The following UGT1A3 variants were observed in gnomAD, a reference collection of about 807,000 sequenced individuals.
UGT1A3 encodes the protein UDP-glucuronosyltransferase 1A3.
UGT1A3 carries 31 observed loss-of-function variants against 41.0 expected under a neutral mutation model. That is an observed-to-expected ratio of 0.76 (90% CI 0.57 to 1.02). The LOEUF is 1.02. Ranked by LOEUF, UGT1A3 falls within the 50% of genes least tolerant of loss-of-function variation. The pLI is 0.00. For synonymous variants in UGT1A3, 262 were observed against 257.6 expected (o/e 1.02, Z -0.17); for missense variants, 737 against 671.0 (o/e 1.10, Z -1.09).
chr2:233,753,656 A>G (rs554176629), intron 1 of UGT1A3: 2 of 152,198 alleles, frequency 1.3e-5, no homozygotes, highest in Non-Finnish European at 2.9e-5. Flanking sequence ...TACTTTCTCA[A>G]TTGTGTGTAT....
At chr2:233,733,349 A>G (rs2078383878) in intron 1 of UGT1A3, among the ~76,000 whole-genome samples, 1 of 152,106 alleles carries the variant, frequency 6.6e-6, no homozygotes, top group South Asian at 2.1e-4. Flanking sequence ...CAGTATGTTG[A>G]GTAGGAGTGG....
At position 233,732,704 on chromosome 2, in the gene UGT1A3, T is replaced by A. The variant is rs2078302376; in HGVS notation, c.867+2711T>A. 3.3e-5 allele frequency among the ~76,000 whole-genome samples: 5 copies of A among 152,126 alleles called. No homozygotes were observed. In the South Asian group the frequency reaches 1.0e-3, roughly 31 times the overall value. On this transcript the variant is annotated intron_variant, in intron 1 of 4. Coordinates refer to ENST00000482026, the MANE Select transcript of UGT1A3 (RefSeq NM_019093.4). ...ACCAGCACCCATGCTGTTTTGTTAC[T>A]GTAGCCTTGTAGTACAGTTTGAAGT...
chr2:233,738,524 A>G (rs553988769), intron 1 of UGT1A3, among the ~76,000 whole-genome samples: 1 of 152,322 alleles, frequency 6.6e-6, no homozygotes, highest in South Asian at 2.1e-4. Context: ...TGTTGTGGAC[A>G]ATGAAGTCCA....
intron 1 of UGT1A3, among the ~76,000 whole-genome samples, chr2:233,736,892 T>C (rs905438192): frequency 2.6e-5 from 4 of 152,220 alleles, no homozygotes; most frequent in Non-Finnish European, 5.9e-5. Flanking sequence ...TATTGCTGCC[T>C]GATCCTTCCT....
chr2:233,755,170 T>C (rs1240762958), intron 1 of UGT1A3: 2 of 1,262,070 alleles, frequency 1.6e-6, no homozygotes, highest in Non-Finnish European at 2.2e-6. Context: ...TCGGGGTTTT[T>C]GTCGGGGTGC....
chr2:233,760,594 G>T, intron 1 of UGT1A3: 1 of 1,614,198 alleles, frequency 6.2e-7, no homozygotes, highest in Non-Finnish European at 8.5e-7. Context: ...TTTTGAGAAT[G>T]ATTCTTTCCT....
In UGT1A3 at chr2:233,769,471, G is replaced by T. The variant is rs969663450; in HGVS notation, c.1307+1032G>T. On this transcript the variant is annotated intron_variant, in intron 4 of 4. Coordinates refer to ENST00000482026, the MANE Select transcript of UGT1A3 (RefSeq NM_019093.4). The surrounding 1 kb of genome is among the most constrained non-coding windows in gnomAD (Gnocchi z 4.4). ...CACGTGTGCATTCATATGCGTGTGT[G>T]TGTGTGTGCGTGTGTTTATGAGAGT... The T allele has an allele frequency of 2.5e-6, 4 of 1,609,228 alleles. No homozygotes were observed. The African/African-American group carries it at 5.3e-5, about 21-fold the overall frequency.
At chr2:233,734,724 C>T (rs548738202) in intron 1 of UGT1A3, among the ~76,000 whole-genome samples, 2 of 150,850 alleles carry the variant, frequency 1.3e-5, no homozygotes, top group East Asian at 4.1e-4. Flanking sequence ...TCTTTGTTCT[C>T]GTCGGTTTCA....
At chr2:233,730,757 G>C (rs2125758007) in intron 1 of UGT1A3, among the ~76,000 whole-genome samples, 1 of 152,258 alleles carries the variant, frequency 6.6e-6, no homozygotes, top group East Asian at 1.9e-4. Flanking sequence ...AGATAAGACT[G>C]TGAATCTATA....
Position 233,729,897 on chromosome 2 carries a change from C to G in UGT1A3, c.771C>G (p.Phe257Leu). The change falls in exon 1 of 5, where the codon TTC (phenylalanine) becomes TTG (leucine). Residue 257 changes from phenylalanine (F) to leucine (L), a missense_variant. Phe to Leu is a conservative substitution (Grantham distance 22, BLOSUM62 0). Transcript: ENST00000482026. ...DILSHASVWL[F>L]RGDFVMDYPR... The stretch of plus-strand genomic sequence containing the variant: ...TCAGTCATGCATCTGTGTGGCTGTT[C>G]CGAGGGGACTTTGTGATGGACTACC... 6.2e-7 allele frequency: 1 copy of G among 1,613,908 alleles called. No homozygotes were observed. Among genetic ancestry groups the G allele is most frequent in the Non-Finnish European group, 8.5e-7 (1 of 1,179,888 alleles).
Position 233,767,174 on chromosome 2 carries a change from A to G in UGT1A3, c.999+9A>G. 1.2e-6 allele frequency: 2 copies of G among 1,614,054 alleles called. No homozygotes were observed. Among genetic ancestry groups the G allele is most frequent in the Non-Finnish European group, 1.7e-6 (2 of 1,180,004 alleles). ...GCAAAATCCCTCAGACAGTAAGAAG[A>G]TTCTATACCATGGCCTCATATCTAT... is the stretch of plus-strand genomic sequence containing the variant. On this transcript the variant is annotated intron_variant, in intron 2 of 4. Transcript: ENST00000482026.
chr2:233,750,185 T>G (rs1694383410), intron 1 of UGT1A3, among the ~76,000 whole-genome samples: 1 of 151,838 alleles, frequency 6.6e-6, no homozygotes, highest in African/African-American at 2.4e-5. Flanking sequence ...GATAATGTTG[T>G]GGACAATGAA....
rs556044106 is a variant in UGT1A3, at chr2:233,743,839, C to T, written c.867+13846C>T. ...TTTTGTCGGGGTGCCACTTGAGCGC[C>T]AGCTTGCGGTACGCCTTCTTGATGG... On this transcript the variant is annotated intron_variant, in intron 1 of 4. Coordinates refer to ENST00000482026, the MANE Select transcript of UGT1A3 (RefSeq NM_019093.4). 3 of 1,367,286 alleles carry T rather than the reference C, an allele frequency of 2.2e-6. No individual in the cohort carries two copies. In the South Asian group the frequency reaches 3.4e-5, roughly 16 times the overall value. 84.7% of individuals were successfully genotyped at this position (1,367,286 alleles called of 1,614,324 possible).
At position 233,729,354 on chromosome 2, in the gene UGT1A3, C is replaced by A. The variant is rs767130471; in HGVS notation, c.228C>A (p.Thr76=). ...NMHIKEENFF[T]LTTYAISWTQ... ...ACATCAAAGAAGAGAACTTTTTCAC[C>A]CTGACAACCTATGCCATTTCGTGGA... The change falls in exon 1 of 5, where the codon ACC becomes ACA. Residue 76 remains threonine (T), a synonymous_variant. Transcript: ENST00000482026. The A allele has an allele frequency of 2.5e-6, 4 of 1,614,190 alleles. No individual in the cohort carries two copies. Among genetic ancestry groups the A allele is most frequent in the Non-Finnish European group, 2.5e-6 (3 of 1,180,008 alleles).
intron 4 of UGT1A3, chr2:233,771,347 C>T (rs1700292038): frequency 6.6e-6 from 1 of 152,046 alleles, no homozygotes; most frequent in South Asian, 2.1e-4. Context: ...CCTGTAGCAC[C>T]AAGGGTTGAA....
chr2:233,737,601 C>T (rs2078898961), intron 1 of UGT1A3, among the ~76,000 whole-genome samples: 1 of 152,178 alleles, frequency 6.6e-6, no homozygotes, highest in African/African-American at 2.4e-5. Flanking sequence ...GAACCAGGTA[C>T]CTCAGTTGGA....
Position 233,772,498 on chromosome 2 carries a change from A to C in UGT1A3, c.1544A>C (p.Tyr515Ser). The change falls in exon 5 of 5, where the codon TAC (tyrosine) becomes TCC (serine). Residue 515 changes from tyrosine to serine, a missense_variant. Physicochemically the swap from Tyr to Ser is moderately radical, Grantham distance 144 (BLOSUM62 -2). Coordinates refer to ENST00000482026, the MANE Select transcript of UGT1A3 (RefSeq NM_019093.4). ...FITFKCCAYG[Y>S]RKCLGKKGRV... is the part of the protein sequence containing the mutation. ...ACCTTTAAATGTTGTGCTTATGGCTACCGGAAATGCTTGGGGAAAAAAGGG... is the reference window on the plus strand; with the variant it reads ...ACCTTTAAATGTTGTGCTTATGGCTCCCGGAAATGCTTGGGGAAAAAAGGG... 1.2e-6 allele frequency: 2 copies of C among 1,614,186 alleles called. No individual in the cohort carries two copies. The highest frequency in any genetic ancestry group is 2.2e-5 in the South Asian group (2 of 91,082).
intron 1 of UGT1A3, chr2:233,747,375 G>C: frequency 6.2e-7 from 1 of 1,604,748 alleles, no homozygotes; most frequent in African/African-American, 1.3e-5. Flanking sequence ...CCATGCCAGA[G>C]GCCACCAGGC....
Position 233,768,265 on chromosome 2 carries a change from G to T in UGT1A3, c.1133G>T (p.Gly378Val), listed in dbSNP as rs1283652721. Residue 378 changes from glycine to valine, a missense_variant, in exon 4 of 5, where the codon GGT becomes GTT. By Grantham distance (109) the Gly-to-Val change is moderately radical. Transcript: ENST00000482026. The part of the protein sequence containing the change: ...RAFITHAGSH[G>V]VYESICNGVP... ...TTTATCACCCATGCTGGTTCCCATGGTGTTTATGAAAGCATATGCAATGGC... is the reference window on the plus strand; with the variant it reads ...TTTATCACCCATGCTGGTTCCCATGTTGTTTATGAAAGCATATGCAATGGC... 5.0e-6 allele frequency: 8 copies of T among 1,614,030 alleles called. No individual in the cohort carries two copies. The highest frequency in any genetic ancestry group is 6.8e-6 in the Non-Finnish European group (8 of 1,180,030).
Sources: gnomAD v4.1 joint callset for allele counts (sites outside exome capture counted in the v4.1 genomes callset) on GRCh38, gnomAD v4.1.1 for gene constraint, Gnocchi (gnomAD v3.1) non-coding constraint, MANE v1.5 for transcripts, NCBI Gene and HGNC (gene_info 2026-07-23, HGNC 2026-07-21) for gene names.